The following PHF12 variants were observed in gnomAD, a reference collection of about 807,000 sequenced individuals.
PHF12 encodes the protein PHD factor 1.
In PHF12, 6 loss-of-function variants were observed where a neutral mutation model predicts 99.8. The observed-to-expected ratio is 0.06, with a 90% CI of 0.03 to 0.12. The LOEUF (loss-of-function observed/expected upper bound fraction) is 0.12. PHF12 is among the 10% of genes least tolerant of loss of function. The pLI is 1.00. For missense variants in PHF12, 954 were observed against 1,300.1 expected (o/e 0.73, Z 4.09); for synonymous variants, 480 against 514.9 (o/e 0.93, Z 0.92).
chr17:28,919,076 C>T, intron 6 of PHF12, 67 bp downstream of exon 6: 1 of 1,516,346 alleles, frequency 6.6e-7, no homozygotes, highest in Non-Finnish European at 8.9e-7. Context: ...CCTTAATATG[C>T]TTTCTGCTAA....
Position 28,923,652 on chromosome 17 carries a change from AC to A in PHF12, c.715+256del, listed in dbSNP as rs1281868927. ...TAGCCTGAGTGACAAAGTGAGACTCACAAAAAAAAAAAAAAAAAAAAAAGGA... is the reference window on the plus strand; with the variant it reads ...TAGCCTGAGTGACAAAGTGAGACTCAAAAAAAAAAAAAAAAAAAAAAAGGA... On this transcript the variant is annotated intron_variant, in intron 4 of 14. Coordinates refer to ENST00000332830, the MANE Select transcript of PHF12 (RefSeq NM_001033561.2). Among the ~76,000 whole-genome samples the A allele has an allele frequency of 1.4e-4, 18 of 125,888 alleles. 2 individuals are homozygous for A. The highest frequency in any genetic ancestry group is 4.2e-4 in the East Asian group (2 of 4,786). 82.6% of individuals were successfully genotyped at this position (125,888 alleles called of 152,430 possible).
rs537620189 is a variant in PHF12 at position 28,951,333 on chromosome 17, G to T, written c.-373C>A. On this transcript the variant is annotated 5_prime_UTR_variant, in exon 1 of 15. Coordinates refer to ENST00000332830, the MANE Select transcript of PHF12 (RefSeq NM_001033561.2). ...TCCCGGGGCTGGGGGTATCGGAGGG[G>T]GGGTGAGAGGTTACGTGAGGTTGTG... The T allele has an allele frequency of 4.8e-6, 5 of 1,051,346 alleles. No homozygotes were observed. The African/African-American group carries it at 5.1e-5, about 11-fold the overall frequency. The allele number at this position is 1,051,346 out of a possible 1,614,324, so 65.1% of individuals were successfully genotyped here.
chr17:28,920,072 G>T (rs2040135081), intron 5 of PHF12, among the ~76,000 whole-genome samples: 1 of 152,174 alleles, frequency 6.6e-6, no homozygotes, highest in Admixed American at 6.5e-5. Context: ...CTGACAATTA[G>T]AGGTGTGCTG....
chr17:28,945,371 C>T (rs758816248), intron 2 of PHF12: 1 of 152,208 alleles, frequency 6.6e-6, no homozygotes, highest in Admixed American at 6.5e-5. Context: ...TGCCTGTGCA[C>T]AGAGACCTTT....
At chr17:28,907,260 G>C in intron 13 of PHF12, 1 of 522,870 alleles carries the variant, frequency 1.9e-6, no homozygotes, top group South Asian at 2.6e-5. Flanking sequence ...TCACTGGCCC[G>C]TGATGATAAT....
At chr17:28,930,976 G>A (rs908561030) in intron 2 of PHF12, among the ~76,000 whole-genome samples, 1 of 152,202 alleles carries the variant, frequency 6.6e-6, no homozygotes, top group Admixed American at 6.5e-5. Flanking sequence ...TGGGGCTGAG[G>A]TGAGAGGATC....
chr17:28,926,235 C>T (rs1332514405), intron 3 of PHF12: 2 of 155,418 alleles, frequency 1.3e-5, no homozygotes, highest in East Asian at 3.8e-4. Context: ...AGGAAGTCAT[C>T]ATTCATTGTG....
At chr17:28,926,919 C>G in intron 3 of PHF12, 72 bp downstream of exon 3, 1 of 1,605,906 alleles carries the variant, frequency 6.2e-7, no homozygotes, top group Non-Finnish European at 8.5e-7. Flanking sequence ...CAGGGCTAGG[C>G]CGTCTTAGCT....
intron 9 of PHF12, 138 bp from the exon 10 acceptor site, chr17:28,911,375 A>G: frequency 8.1e-7 from 1 of 1,230,468 alleles, no homozygotes; most frequent in Non-Finnish European, 1.1e-6. Context: ...AGGCTCTGGA[A>G]CTCCTAGAGC....
chr17:28,939,632 T>C (rs1000294506), intron 2 of PHF12, among the ~76,000 whole-genome samples: 1 of 152,256 alleles, frequency 6.6e-6, no homozygotes, highest in African/African-American at 2.4e-5. Context: ...TATTTCATAA[T>C]GCAGAGGCTT....
Position 28,912,561 on chromosome 17 carries a change from G to C in PHF12, c.2010C>G (p.Leu670=). The C allele has an allele frequency of 1.9e-6, 3 of 1,614,122 alleles. No individual in the cohort carries two copies. Among genetic ancestry groups the C allele is most frequent in the Non-Finnish European group, 1.7e-6 (2 of 1,179,952 alleles). The change falls in exon 9 of 15, where the codon CTC becomes CTG. Residue 670 remains leucine, a synonymous_variant. Transcript: ENST00000332830. ...LGSPPNATRV[L]TPPQAAGDGI... The stretch of plus-strand genomic sequence containing the variant: ...CATCTCCTGCTGCTTGCGGGGGAGT[G>C]AGCACCCGGGTGGCGTTTGGGGGTG...
chr17:28,919,242 G>A lies in PHF12; in HGVS notation c.870C>T (p.Asp290=). Residue 290 remains aspartate, a synonymous_variant, in exon 6 of 15, where the codon GAC becomes GAT. Coordinates refer to ENST00000332830, the MANE Select transcript of PHF12 (RefSeq NM_001033561.2). ...CCATGTGAAACAGGAGAGGGCAATA[G>A]TCACACTGGATGAGAGGAGCCACAC... is the stretch of plus-strand genomic sequence containing the variant. ...SCRVAPLIQC[D]YCPLLFHMDC... 14 of 1,614,210 alleles carry A rather than the reference G, an allele frequency of 8.7e-6. No individual in the cohort carries two copies. The highest frequency in any genetic ancestry group is 1.2e-5 in the Non-Finnish European group (14 of 1,180,022).
At chr17:28,908,661 G>A in intron 12 of PHF12, 122 bp downstream of exon 12, 1 of 910,740 alleles carries the variant, frequency 1.1e-6, no homozygotes, top group Non-Finnish European at 1.7e-6. Context: ...GCTATCCACT[G>A]ATTTAAAGCA....
rs2039859068 is a variant in PHF12 at position 28,905,598 on chromosome 17, A to C, written c.*585T>G. ...AATAAAATAGATGGACAGCCAGAAAAAGAATTCATTTCTCATTTGTCCATA... is the reference window on the plus strand; with the variant it reads ...AATAAAATAGATGGACAGCCAGAAACAGAATTCATTTCTCATTTGTCCATA... On this transcript the variant is annotated 3_prime_UTR_variant, in exon 15 of 15. Coordinates refer to ENST00000332830, the MANE Select transcript of PHF12 (RefSeq NM_001033561.2). The C allele has an allele frequency of 6.6e-6, 1 of 152,624 alleles. No individual in the cohort carries two copies. The highest frequency in any genetic ancestry group is 6.5e-5 in the Admixed American group (1 of 15,280). 9.5% of individuals were successfully genotyped at this position (152,624 alleles called of 1,614,324 possible).
chr17:28,923,321 G>GATT (rs2040199085), intron 4 of PHF12, among the ~76,000 whole-genome samples: 1 of 150,022 alleles, frequency 6.7e-6, no homozygotes, highest in African/African-American at 2.5e-5. Context: ...AATATTTTTT[G>GATT]ATTTTTGAAC....
At position 28,951,003 on chromosome 17, in the gene PHF12, C is replaced by T. The variant is rs1369217032; in HGVS notation, c.-43G>A. On this transcript the variant is annotated 5_prime_UTR_variant, in exon 1 of 15. Coordinates refer to ENST00000332830, the MANE Select transcript of PHF12 (RefSeq NM_001033561.2). ...TGGGTGCTCTCTGCTCCGGCCCCCC[C>T]AACCCCGGGGGGAGGGGGGAGGTGA... 6.2e-7 allele frequency: 1 copy of T among 1,611,500 alleles called. No homozygotes were observed. The highest frequency in any genetic ancestry group is 1.3e-5 in the African/African-American group (1 of 74,856).
At chr17:28,940,120 C>T (rs1279488704) in intron 2 of PHF12, among the ~76,000 whole-genome samples, 2 of 152,310 alleles carry the variant, frequency 1.3e-5, no homozygotes, top group Middle Eastern at 3.4e-3. Context: ...ACACCAAAGT[C>T]ACTAACTTAA....
At chr17:28,944,415 T>TG in intron 2 of PHF12, 1 of 820,400 alleles carries the variant, frequency 1.2e-6, no homozygotes, top group South Asian at 5.6e-5. Context: ...TAAATATTTC[T>TG]GACACTTGCA....
At position 28,905,859 on chromosome 17, in the gene PHF12, A is replaced by T. The variant is rs553528784; in HGVS notation, c.*324T>A. The T allele has an allele frequency of 6.4e-5, 16 of 250,886 alleles. No homozygotes were observed. The highest frequency in any genetic ancestry group is 1.2e-4 in the Non-Finnish European group (16 of 132,922). The allele number at this position is 250,886 out of a possible 1,614,324, so 15.5% of individuals were successfully genotyped here. On this transcript the variant is annotated 3_prime_UTR_variant, in exon 15 of 15. Transcript: ENST00000332830. ...TGGTGGGCGAGGGGGAGGGAGCAGG[A>T]GGTGGGTGGGGAAGGGTTTTGTGTT...
Sources: allele counts gnomAD v4.1 joint callset (sites outside exome capture counted in the v4.1 genomes callset), GRCh38; gene constraint gnomAD v4.1.1; transcripts MANE v1.5; gene names NCBI Gene and HGNC (gene_info 2026-07-23, HGNC 2026-07-21).